ANKFN1: variants seen among roughly 807,000 people sequenced by gnomAD.
ANKFN1 encodes ankyrin repeat and fibronectin type III domain containing 1.
Under a neutral mutation model 108.7 loss-of-function variants are expected in ANKFN1, and 74 were observed. The observed-to-expected ratio is 0.68, with a 90% confidence interval of 0.56 to 0.83. ANKFN1 has a LOEUF of 0.83. Ranked by LOEUF, ANKFN1 falls within the 40% of genes least tolerant of loss-of-function variation. The pLI is 0.00. For missense variants in ANKFN1, 1,505 were observed against 1,382.3 expected (o/e 1.09, Z -1.41); for synonymous variants, 547 against 516.2 (o/e 1.06, Z -0.81).
At position 56,456,907 on chromosome 17, in the gene ANKFN1, A is replaced by G. The variant is rs113055860; in HGVS notation, c.1254A>G (p.Arg418=). 1,404 of 1,614,168 alleles carry G rather than the reference A, an allele frequency of 8.7e-4. 7 individuals are homozygous for G. The African/African-American group carries it at 8.9e-3, about 10-fold the overall frequency. The change falls in exon 12 of 21, where the codon AGA becomes AGG. Residue 418 remains arginine (R), a synonymous_variant. Coordinates refer to ENST00000682825, the MANE Select transcript of ANKFN1 (RefSeq NM_001370326.1). ...CAGGCCGCAAGCAGTCAGTCTCAAG[A>G]AGCCTGAAACACCTGTTCCATTCCT... ...QTTGRKQSVS[R]SLKHLFHSSN...
chr17:56,136,371 G>T lies in ANKFN1; in HGVS notation c.288+90046G>T, dbSNP rs574299705. Among the ~76,000 whole-genome samples, 10 of 152,282 alleles carry T rather than the reference G, an allele frequency of 6.6e-5. No individual in the cohort carries two copies. In the South Asian group the frequency reaches 2.1e-3, roughly 32 times the overall value. Reference sequence around the variant, plus strand: ...AGAAAGGAGACTAAGGGAATGAACAGCTAGAGACAGTGTTGAAGAGAAGAT... The same window carrying T: ...AGAAAGGAGACTAAGGGAATGAACATCTAGAGACAGTGTTGAAGAGAAGAT... On this transcript the variant is annotated intron_variant, in intron 4 of 12. Coordinates refer to the ANKFN1 transcript ENST00000635860.
In ANKFN1 at chr17:56,189,013, A is replaced by G. The variant is rs144285058; in HGVS notation, c.-70-23585A>G. ...AACTACAGCTTCTGGGTTGGTGAAC[A>G]CATAGGGGTACTGGGAGGGTGGTGC... On this transcript the variant is annotated intron_variant, in intron 1 of 20. Coordinates refer to ENST00000682825, the MANE Select transcript of ANKFN1 (RefSeq NM_001370326.1). 1.7e-3 allele frequency among the ~76,000 whole-genome samples: 259 copies of G among 152,060 alleles called. 3 individuals are homozygous for G. The highest frequency in any genetic ancestry group is 6.0e-3 in the African/African-American group (249 of 41,438).
intron 3 of ANKFN1, among the ~76,000 whole-genome samples, chr17:56,273,848 C>CAATT (rs2043850958): frequency 6.6e-6 from 1 of 152,142 alleles, no homozygotes; most frequent in South Asian, 2.1e-4. Flanking sequence ...ATATCCCAAG[C>CAATT]AATTATTCAT....
chr17:56,378,630 C>G (rs1243940605), intron 8 of ANKFN1, among the ~76,000 whole-genome samples: 1 of 152,162 alleles, frequency 6.6e-6, no homozygotes, highest in Non-Finnish European at 1.5e-5. Context: ...GTATTTATAA[C>G]TTTCTTTAGC....
intron 6 of ANKFN1, 106 bp from the exon 7 acceptor site, chr17:56,372,540 T>A (rs201884735): frequency 6.1e-5 from 1 of 16,504 alleles, no homozygotes; most frequent in African/African-American, 6.9e-4. Context: ...TTCCCAGGCA[T>A]TTTTTTTTTT....
At chr17:56,405,823 G>A (rs1380855072) in intron 8 of ANKFN1, among the ~76,000 whole-genome samples, 1 of 152,118 alleles carries the variant, frequency 6.6e-6, no homozygotes, top group East Asian at 1.9e-4. Flanking sequence ...GTAAAATTGA[G>A]GGAGGAGGAT....
At chr17:56,361,898 G>A (rs1049942351) in intron 6 of ANKFN1, among the ~76,000 whole-genome samples, 5 of 152,126 alleles carry the variant, frequency 3.3e-5, no homozygotes, top group Non-Finnish European at 7.3e-5. Flanking sequence ...AAGAGAGAAA[G>A]AGAGACCAGC....
chr17:56,305,470 T>G (rs933925205), intron 3 of ANKFN1, among the ~76,000 whole-genome samples: 1 of 152,244 alleles, frequency 6.6e-6, no homozygotes, highest in Admixed American at 6.5e-5. Context: ...TCTTCATGTC[T>G]TTTGCCCATT....
intron 4 of ANKFN1, among the ~76,000 whole-genome samples, chr17:56,336,928 T>C (rs1220713572): frequency 3.3e-5 from 5 of 152,080 alleles, no homozygotes; most frequent in Non-Finnish European, 1.5e-5. Flanking sequence ...TGTCTTTGTT[T>C]CATTGGTTTC....
intron 3 of ANKFN1, among the ~76,000 whole-genome samples, chr17:56,252,706 A>T (rs1462141688): frequency 6.8e-6 from 1 of 148,034 alleles, no homozygotes; most frequent in Non-Finnish European, 1.5e-5. Flanking sequence ...GTATAATAAG[A>T]TAATTGAAAT....
chr17:56,333,594 AT>A (rs1164555058), intron 4 of ANKFN1, among the ~76,000 whole-genome samples: 1 of 151,776 alleles, frequency 6.6e-6, no homozygotes, highest in Non-Finnish European at 1.5e-5. Context: ...TTTTGTTGAA[AT>A]TTTTTGCCTC....
At chr17:56,066,836 T>C (rs979654533) in intron 4 of ANKFN1, among the ~76,000 whole-genome samples, 5 of 152,238 alleles carry the variant, frequency 3.3e-5, no homozygotes, top group Non-Finnish European at 5.9e-5. Flanking sequence ...CTTTTTGTAA[T>C]TGACTTATTT....
chr17:56,404,889 G>C (rs888771828), intron 8 of ANKFN1, among the ~76,000 whole-genome samples: 1 of 152,222 alleles, frequency 6.6e-6, no homozygotes, highest in Non-Finnish European at 1.5e-5. Context: ...TCCTATGGAT[G>C]TGGCTTCCTA....
chr17:56,182,064 T>C (rs769118730), intron 1 of ANKFN1, among the ~76,000 whole-genome samples: 1 of 152,200 alleles, frequency 6.6e-6, no homozygotes, highest in Non-Finnish European at 1.5e-5. Flanking sequence ...ATGCATGTAC[T>C]CTGACTGCTC....
chr17:56,220,792 G>A lies in ANKFN1; in HGVS notation c.13-7125G>A, dbSNP rs866426314. ...GGAGGGAGGAAGTCAGGAAGGAAGG[G>A]AGGAAGGGAGGGAGGGAGGAAGGAA... On this transcript the variant is annotated intron_variant, in intron 2 of 20. Transcript: ENST00000682825. Among the ~76,000 whole-genome samples the A allele has an allele frequency of 1.4e-3, 114 of 79,802 alleles. 1 individual carries two copies. Among genetic ancestry groups the A allele is most frequent in the Middle Eastern group, 6.8e-3 (1 of 148 alleles). The allele number at this position is 79,802 out of a possible 152,430, so 52.4% of individuals were successfully genotyped here.
chr17:56,335,269 G>A (rs1354723750), intron 4 of ANKFN1, among the ~76,000 whole-genome samples: 2 of 152,082 alleles, frequency 1.3e-5, no homozygotes, highest in African/African-American at 2.4e-5. Flanking sequence ...GTCATTGGTA[G>A]CTTGGTGGGG....
chr17:56,510,626 G>C lies in ANKFN1; in HGVS notation c.2798G>C (p.Ser933Thr). 1 of 1,536,168 alleles carries C rather than the reference G, an allele frequency of 6.5e-7. No individual in the cohort carries two copies. The highest frequency in any genetic ancestry group is 8.7e-7 in the Non-Finnish European group (1 of 1,146,916). ...DIAQQTLSGL[S>T]GSAPDVLQVH... ...GCGCAGCAGACCCTTAGCGGCCTAA[G>C]CGGCAGCGCCCCCGACGTCCTGCAA... is the stretch of plus-strand genomic sequence containing the variant. Residue 933 changes from serine to threonine, a missense_variant, in exon 21 of 21, where the codon AGC becomes ACC. By Grantham distance (58) the Ser-to-Thr change is moderately conservative. Coordinates refer to ENST00000682825, the MANE Select transcript of ANKFN1 (RefSeq NM_001370326.1).
At chr17:56,414,808 C>T (rs1205407168) in intron 8 of ANKFN1, among the ~76,000 whole-genome samples, 1 of 151,988 alleles carries the variant, frequency 6.6e-6, no homozygotes, top group African/African-American at 2.4e-5. Flanking sequence ...TGCTTAAGTC[C>T]AGGAGTTTGA....
At chr17:56,509,716 C>T (rs1424632798) in intron 20 of ANKFN1, among the ~76,000 whole-genome samples, 1 of 152,192 alleles carries the variant, frequency 6.6e-6, no homozygotes, top group African/African-American at 2.4e-5. Flanking sequence ...CAATTAAGAG[C>T]AAGTACGCAC....
Sources: allele counts gnomAD v4.1 joint callset (sites outside exome capture counted in the v4.1 genomes callset), GRCh38; gene constraint gnomAD v4.1.1; transcripts MANE v1.5; gene names NCBI Gene and HGNC (gene_info 2026-07-23, HGNC 2026-07-21).